FMO4: variants seen among roughly 807,000 people sequenced by gnomAD.
FMO4 encodes flavin containing dimethylaniline monoxygenase 4.
Under a neutral mutation model 43.3 loss-of-function variants are expected in FMO4, and 38 were observed. The observed-to-expected ratio is 0.88, with a 90% CI of 0.68 to 1.15. The LOEUF is 1.15. FMO4 is among the 50% of genes most tolerant of loss of function. The probability of loss-of-function intolerance (pLI) is 0.00; values close to 1 mark genes in which losing one functional copy is unlikely to be tolerated. For synonymous variants in FMO4, 224 were observed against 232.2 expected (o/e 0.96, Z 0.32); for missense variants, 631 against 663.3 (o/e 0.95, Z 0.54).
chr1:171,331,881 T>C, intron 6 of FMO4, 99 bp downstream of exon 6: 5 of 1,042,696 alleles, frequency 4.8e-6, no homozygotes, highest in Non-Finnish European at 5.8e-6. Context: ...AATTGCTAAA[T>C]TATGCAGACA....
In FMO4 at chr1:171,341,932, T is replaced by C. The variant is rs1182164969; in HGVS notation, c.*93T>C. On this transcript the variant is annotated 3_prime_UTR_variant, in exon 10 of 10. Coordinates refer to ENST00000367749, the MANE Select transcript of FMO4 (RefSeq NM_002022.3). Reference sequence around the variant, plus strand: ...CTCTGCTCTCCATCATAACTGCTATTAGCCAAATTCAGGCCCAGTCATCTC... The same window carrying C: ...CTCTGCTCTCCATCATAACTGCTATCAGCCAAATTCAGGCCCAGTCATCTC... 4.0e-6 allele frequency: 4 copies of C among 988,918 alleles called. No individual in the cohort carries two copies. The East Asian group carries it at 9.9e-5, about 25-fold the overall frequency. 61.3% of individuals were successfully genotyped at this position (988,918 alleles called of 1,614,324 possible).
intron 5 of FMO4, among the ~76,000 whole-genome samples, chr1:171,330,889 C>G (rs1421696075): frequency 1.3e-5 from 2 of 152,120 alleles, no homozygotes; most frequent in South Asian, 2.1e-4. Context: ...GTATTAGGAG[C>G]TTCATGAAAG....
chr1:171,327,227 T>C (rs1318354167), intron 5 of FMO4, among the ~76,000 whole-genome samples: 2 of 152,222 alleles, frequency 1.3e-5, no homozygotes, highest in African/African-American at 4.8e-5. Flanking sequence ...CTAATCATCC[T>C]TTAACAAATT....
intron 8 of FMO4, 28 bp downstream of exon 8, chr1:171,334,791 C>A: frequency 7.5e-7 from 1 of 1,334,712 alleles, no homozygotes; most frequent in Non-Finnish European, 1.0e-6. Flanking sequence ...AAAGTCCTCT[C>A]TTTGGATCGT....
chr1:171,327,355 G>A (rs1413479405), intron 5 of FMO4, among the ~76,000 whole-genome samples: 1 of 152,184 alleles, frequency 6.6e-6, no homozygotes, highest in Non-Finnish European at 1.5e-5. Flanking sequence ...ATGCCTGACA[G>A]CTGAGCTCCA....
chr1:171,321,031 G>C (rs1240261095), intron 3 of FMO4, among the ~76,000 whole-genome samples: 1 of 151,370 alleles, frequency 6.6e-6, no homozygotes, highest in Non-Finnish European at 1.5e-5. Flanking sequence ...ATAACCCTAG[G>C]ATTATAGTAT....
At chr1:171,325,142 C>T (rs1431990220) in intron 5 of FMO4, among the ~76,000 whole-genome samples, 2 of 152,096 alleles carry the variant, frequency 1.3e-5, no homozygotes, top group Non-Finnish European at 2.9e-5. Flanking sequence ...AATAATCATA[C>T]AACTCTTAAA....
intron 6 of FMO4, 54 bp downstream of exon 6, chr1:171,331,836 G>A: frequency 6.6e-7 from 1 of 1,524,958 alleles, no homozygotes; most frequent in Non-Finnish European, 9.1e-7. Flanking sequence ...ATGATGGCTG[G>A]AAAGAGATAT....
intron 5 of FMO4, among the ~76,000 whole-genome samples, chr1:171,331,100 A>C (rs1316319142): frequency 6.6e-6 from 1 of 152,232 alleles, no homozygotes; most frequent in African/African-American, 2.4e-5. Flanking sequence ...ATGTAAACAT[A>C]TTATATATAC....
chr1:171,325,935 C>A (rs1662645173), intron 5 of FMO4, among the ~76,000 whole-genome samples: 1 of 138,328 alleles, frequency 7.2e-6, no homozygotes, highest in African/African-American at 2.8e-5. Context: ...GCAGCCTCAA[C>A]CTCCTGGGCT....
chr1:171,334,531 A>T lies in FMO4; in HGVS notation c.948A>T (p.Thr316=), dbSNP rs763695770. 16 of 1,613,612 alleles carry T rather than the reference A, an allele frequency of 9.9e-6. No homozygotes were observed. Residue 316 remains threonine (T), a synonymous_variant, in exon 8 of 10, where the codon ACA becomes ACT. Transcript: ENST00000367749. The part of the protein sequence containing the change: ...TETSAVFEDG[T]VEENIDVVIF... ...CCTCTGCTGTCTTTGAAGATGGGAC[A>T]GTGGAAGAAAACATTGATGTTGTGA...
intron 7 of FMO4, among the ~76,000 whole-genome samples, chr1:171,333,725 G>A (rs910751187): frequency 1.3e-5 from 2 of 151,892 alleles, no homozygotes; most frequent in Non-Finnish European, 2.9e-5. Context: ...CAACTTATGA[G>A]GAAAACTACT....
At chr1:171,336,961 G>GCA (rs35512975) in intron 8 of FMO4, among the ~76,000 whole-genome samples, 35,264 of 146,908 alleles carry the variant, frequency 0.24, 4,443 homozygotes, top group East Asian at 0.43. Flanking sequence ...ACACAAACAT[G>GCA]CACACACACA....
intron 5 of FMO4, among the ~76,000 whole-genome samples, chr1:171,325,481 G>A (rs1238907000): frequency 6.6e-6 from 1 of 152,216 alleles, no homozygotes; most frequent in Non-Finnish European, 1.5e-5. Flanking sequence ...ACATGCAAAC[G>A]TTGGCAAAAT....
intron 7 of FMO4, 34 bp from the exon 8 acceptor site, chr1:171,334,377 A>C (rs199721782): frequency 7.6e-7 from 1 of 1,310,896 alleles, no homozygotes; most frequent in African/African-American, 1.5e-5. Flanking sequence ...CATAAAAATA[A>C]CTACAGTGAA....
chr1:171,322,465 A>G (rs1421115693), intron 3 of FMO4, among the ~76,000 whole-genome samples: 1 of 152,208 alleles, frequency 6.6e-6, no homozygotes, highest in Non-Finnish European at 1.5e-5. Flanking sequence ...TTGTGGTTTG[A>G]AAAATATATT....
Position 171,331,532 on chromosome 1 carries a change from G to C in FMO4, c.485-108G>C, listed in dbSNP as rs1662898749. The C allele has an allele frequency of 4.0e-6, 4 of 999,516 alleles. No individual in the cohort carries two copies. The South Asian group carries it at 4.7e-5, about 12-fold the overall frequency. The allele number at this position is 999,516 out of a possible 1,614,324, so 61.9% of individuals were successfully genotyped here. ...TCCTGCCACAAGCAGCATAAGCAAAGGACTGCCATAGTTGTGGGACTTCCC... is the reference window on the plus strand; with the variant it reads ...TCCTGCCACAAGCAGCATAAGCAAACGACTGCCATAGTTGTGGGACTTCCC... On this transcript the variant is annotated intron_variant, in intron 5 of 9. Transcript: ENST00000367749.
chr1:171,321,897 T>C (rs1036066367), intron 3 of FMO4, among the ~76,000 whole-genome samples: 2 of 152,154 alleles, frequency 1.3e-5, no homozygotes, highest in Non-Finnish European at 2.9e-5. Flanking sequence ...TCAGCTACCT[T>C]ATGCAGCGCT....
intron 2 of FMO4, among the ~76,000 whole-genome samples, chr1:171,317,304 T>A (rs75106735): frequency 0.05 from 7,677 of 152,258 alleles, 603 homozygotes; most frequent in African/African-American, 0.17. Context: ...TTATACAGCT[T>A]GATCTTTCCT....
Sources: gnomAD v4.1 joint callset for allele counts (sites outside exome capture counted in the v4.1 genomes callset) on GRCh38, gnomAD v4.1.1 for gene constraint, MANE v1.5 for transcripts, NCBI Gene and HGNC (gene_info 2026-07-23, HGNC 2026-07-21) for gene names.